The following MYO9B variants were observed in gnomAD, a reference collection of about 807,000 sequenced individuals.
MYO9B encodes the protein myosin IXB.
A neutral mutation model predicts 229.5 loss-of-function variants in MYO9B; 71 were observed. The ratio of observed to expected loss-of-function variants is 0.31; its 90% CI spans 0.26 to 0.38. MYO9B has a LOEUF of 0.38. Ranked by LOEUF, MYO9B falls within the 10% of genes least tolerant of loss-of-function variation. MYO9B has a pLI of 1.00. For synonymous variants in MYO9B, 1,185 were observed against 1,235.8 expected, an observed-to-expected ratio of 0.96 and a Z score of 0.86; for missense variants, 2,255 against 2,920.5, an observed-to-expected ratio of 0.77 and a Z score of 5.25.
chr19:17,106,542 G>T (rs1191057573), intron 2 of MYO9B, among the ~76,000 whole-genome samples: 1 of 152,226 alleles, frequency 6.6e-6, no homozygotes, highest in Non-Finnish European at 1.5e-5. Context: ...AGTGGCCCCA[G>T]TGTCCTCCCA....
At chr19:17,211,277 G>A (rs2073225833) in intron 38 of MYO9B, among the ~76,000 whole-genome samples, 2 of 151,800 alleles carry the variant, frequency 1.3e-5, no homozygotes, top group South Asian at 2.1e-4. Context: ...CACCGCACTC[G>A]GCCTTTATTT....
intron 2 of MYO9B, among the ~76,000 whole-genome samples, chr19:17,105,080 G>A (rs1471034052): frequency 2.6e-5 from 4 of 152,078 alleles, no homozygotes; most frequent in Non-Finnish European, 4.4e-5. Flanking sequence ...GGCAGCCACA[G>A]CTCTTCTCAC....
rs182250204 is a variant in MYO9B, at chr19:17,121,710, G to A, written c.840+19153G>A. Among the ~76,000 whole-genome samples, 8 of 152,320 alleles carry A rather than the reference G, an allele frequency of 5.3e-5. No individual in the cohort carries two copies. In the East Asian group the frequency reaches 1.5e-3, roughly 29 times the overall value. On this transcript the variant is annotated intron_variant, in intron 2 of 39. Coordinates refer to ENST00000682292, the MANE Select transcript of MYO9B (RefSeq NM_004145.4). ...TTGCCGCATTAAAAGTACTGGAAGG[G>A]CGCGGTGGCTCACGCCGATAATTCC... is the stretch of plus-strand genomic sequence containing the variant.
At position 17,212,096 on chromosome 19, in the gene MYO9B, CCCGGGAGGCGGCTGCCCCAGTGCGGCG is replaced by C. The variant is rs2073237377; in HGVS notation, c.6268_6294del (p.Ala2090_Glu2098del). 2 of 1,590,216 alleles carry C rather than the reference CCCGGGAGGCGGCTGCCCCAGTGCGGCG, an allele frequency of 1.3e-6. No homozygotes were observed. The highest frequency in any genetic ancestry group is 1.7e-6 in the Non-Finnish European group (2 of 1,170,724). On this transcript the variant is annotated inframe_deletion, in exon 40 of 40. Coordinates refer to ENST00000682292, the MANE Select transcript of MYO9B (RefSeq NM_004145.4). The surrounding 1 kb of genome is among the most constrained non-coding windows in gnomAD (Gnocchi z 5.4). ...CACCTGCCTCGCTGGGCACCGGGTG[CCCGGGAGGCGGCTGCCCCAGTGCGGCG>C]CCGGGAGCCACCTGCCCGCCGCCCG...
Position 17,101,394 on chromosome 19 carries a change from T to A in MYO9B, c.-58-266T>A, listed in dbSNP as rs1015490789. ...GTTGCCCAGGCTGGTCTCAAACTCC[T>A]GGCCTCAAGCGATCCTCCCACCTTG... On this transcript the variant is annotated intron_variant, in intron 1 of 39. Transcript: ENST00000682292. This position sits in a 1 kb window ranked among gnomAD's most constrained non-coding sequence, Gnocchi z 4.7. 6.6e-6 allele frequency among the ~76,000 whole-genome samples: 1 copy of A among 152,024 alleles called. No individual in the cohort carries two copies. Among genetic ancestry groups the A allele is most frequent in the Admixed American group, 6.6e-5 (1 of 15,240 alleles).
chr19:17,155,799 G>A (rs567753502), intron 6 of MYO9B, among the ~76,000 whole-genome samples: 1 of 151,944 alleles, frequency 6.6e-6, no homozygotes, highest in Non-Finnish European at 1.5e-5. Context: ...CAGGTGGATT[G>A]CCTGAGCTCA....
At chr19:17,117,776 A>AAAAATACAAAAATTAGCC (rs2057919386) in intron 2 of MYO9B, among the ~76,000 whole-genome samples, 1 of 151,872 alleles carries the variant, frequency 6.6e-6, no homozygotes, top group South Asian at 2.1e-4. Context: ...CATCTCTACT[A>AAAAATACAAAAATTAGCC]AAAATACAAA....
At chr19:17,160,515 T>TTC (rs927617609) in intron 8 of MYO9B, among the ~76,000 whole-genome samples, 3 of 148,066 alleles carry the variant, frequency 2.0e-5, no homozygotes, top group Admixed American at 1.3e-4. Context: ...TTTTTCTTTT[T>TTC]TTTTTTTTTT....
chr19:17,147,804 G>A (rs1332068596), intron 3 of MYO9B, among the ~76,000 whole-genome samples: 1 of 146,534 alleles, frequency 6.8e-6, no homozygotes, highest in Non-Finnish European at 1.5e-5. Flanking sequence ...TCCTGCCTCA[G>A]CTCGAGTAGC....
In MYO9B at chr19:17,172,675, C is replaced by A; in HGVS notation, c.1936-84C>A. ...AGGATGGGCCCCACCCCACCGTCAG[C>A]CCTTCCTGCGCCAGCCCGGGGTCTT... On this transcript the variant is annotated intron_variant, in intron 12 of 39. Transcript: ENST00000682292. The surrounding 1 kb of genome is among the most constrained non-coding windows in gnomAD (Gnocchi z 8.2). 1 of 1,542,006 alleles carries A rather than the reference C, an allele frequency of 6.5e-7. No individual in the cohort carries two copies. Among genetic ancestry groups the A allele is most frequent in the Non-Finnish European group, 8.9e-7 (1 of 1,119,960 alleles).
intron 2 of MYO9B, among the ~76,000 whole-genome samples, chr19:17,120,250 A>G (rs76324346): frequency 0.041 from 6,296 of 152,296 alleles, 162 homozygotes; most frequent in Middle Eastern, 0.075. Flanking sequence ...GCCACACAGT[A>G]TACCATTCAG....
intron 1 of MYO9B, among the ~76,000 whole-genome samples, chr19:17,091,151 A>G (rs1199481584): frequency 1.3e-5 from 2 of 152,168 alleles, no homozygotes; most frequent in Admixed American, 1.3e-4. Context: ...AGGCTCCCCA[A>G]TCCAGGGAGG....
rs372596263 is a variant in MYO9B, at chr19:17,207,187, G to A, written c.5567G>A (p.Arg1856His). The change falls in exon 35 of 40, where the codon CGC becomes CAC. Residue 1856 changes from arginine to histidine, a missense_variant. By Grantham distance (29) the Arg-to-His change is conservative. This residue lies in a region of MYO9B where 416 missense variants were observed against 605.5 expected (regional missense o/e 0.69). Transcript: ENST00000682292. ...ATTATCTTCGCACCCTGCCTCCTGC[G>A]CTGCCCTGACAACTCGGACCCGCTG... ...LAIIFAPCLL[R>H]CPDNSDPLTS... 1.1e-5 allele frequency: 17 copies of A among 1,604,002 alleles called. No individual in the cohort carries two copies. The highest frequency in any genetic ancestry group is 2.7e-5 in the African/African-American group (2 of 74,684).
At chr19:17,207,769 G>T (rs1252716546) in intron 35 of MYO9B, 3 of 152,180 alleles carry the variant, frequency 2.0e-5, no homozygotes, top group Non-Finnish European at 4.4e-5. Flanking sequence ...CCAGCACTTT[G>T]GGAGACCGAG....
At chr19:17,206,814 G>T in intron 34 of MYO9B, 30 bp downstream of exon 34, 1 of 1,524,604 alleles carries the variant, frequency 6.6e-7, no homozygotes, top group African/African-American at 1.4e-5. Flanking sequence ...CCCTCTGTGG[G>T]GTTAGGGTCG....
chr19:17,194,680 G>C lies in MYO9B; in HGVS notation c.3253G>C (p.Glu1085Gln). ...GQAAGGQQVA[E>Q]QGPEPAEDGG... Reference sequence around the variant, plus strand: ...GGCGGCTGGAGGGCAGCAGGTAGCTGAGCAGGGGCCGGAGCCAGCGGAGGA... The same window carrying C: ...GGCGGCTGGAGGGCAGCAGGTAGCTCAGCAGGGGCCGGAGCCAGCGGAGGA... The change falls in exon 22 of 40, where the codon GAG becomes CAG. Residue 1085 changes from glutamate (E) to glutamine (Q), a missense_variant. By Grantham distance (29) the Glu-to-Gln change is conservative. Coordinates refer to ENST00000682292, the MANE Select transcript of MYO9B (RefSeq NM_004145.4). 6.2e-7 allele frequency: 1 copy of C among 1,612,874 alleles called. No homozygotes were observed. Among genetic ancestry groups the C allele is most frequent in the Non-Finnish European group, 8.5e-7 (1 of 1,179,878 alleles).
chr19:17,136,522 TTCTG>T (rs931206479), intron 2 of MYO9B, among the ~76,000 whole-genome samples: 1 of 152,048 alleles, frequency 6.6e-6, no homozygotes, highest in Non-Finnish European at 1.5e-5. Flanking sequence ...CCCCTTTTAT[TTCTG>T]TCTGTGTACA....
chr19:17,079,944 G>A (rs1360059876), intron 1 of MYO9B, among the ~76,000 whole-genome samples: 1 of 152,200 alleles, frequency 6.6e-6, no homozygotes, highest in African/African-American at 2.4e-5. Context: ...CCGCAGCCCA[G>A]AGCCCCGTTC....
intron 2 of MYO9B, among the ~76,000 whole-genome samples, chr19:17,129,011 C>T (rs752744875): frequency 3.3e-5 from 5 of 152,130 alleles, no homozygotes; most frequent in East Asian, 1.9e-4. Flanking sequence ...ATGGCCTTGA[C>T]GGGACAGGGG....
Sources: gnomAD v4.1 joint callset for allele counts (sites outside exome capture counted in the v4.1 genomes callset) on GRCh38, gnomAD v4.1.1 for gene constraint, gnomAD v4.1.1 regional missense constraint, Gnocchi (gnomAD v3.1) non-coding constraint, MANE v1.5 for transcripts, NCBI Gene and HGNC (gene_info 2026-07-23, HGNC 2026-07-21) for gene names.